Variants in ABCB11 observed in about 807,000 individuals in gnomAD.
ABCB11 encodes the protein ATP binding cassette subfamily B member 11.
ABCB11 carries 95 observed loss-of-function variants against 148.0 expected under a neutral mutation model. The ratio of observed to expected loss-of-function variants is 0.64; its 90% CI spans 0.54 to 0.76. ABCB11 has a LOEUF of 0.76. ABCB11 is among the 30% of genes least tolerant of loss of function. The pLI, the probability that ABCB11 is intolerant of heterozygous loss-of-function variation, is 0.00. For synonymous variants in ABCB11, 591 were observed against 555.4 expected (o/e 1.06, Z -0.90); for missense variants, 1,523 against 1,617.8 (o/e 0.94, Z 1.01).
At chr2:168,975,791 ACATATATAT>A (rs1693873794) in intron 12 of ABCB11, among the ~76,000 whole-genome samples, 1 of 148,420 alleles carries the variant, frequency 6.7e-6, no homozygotes, top group African/African-American at 2.5e-5. Context: ...TATATATATC[ACATATATAT>A]CATATATATC....
intron 21 of ABCB11, 97 bp downstream of exon 21, chr2:168,944,508 C>CCG: frequency 7.5e-7 from 1 of 1,334,212 alleles, no homozygotes. Flanking sequence ...CCCACTGGTC[C>CCG]CTATTCCATA....
In ABCB11 at chr2:168,927,345, G is replaced by C. The variant is rs531704947; in HGVS notation, c.3429C>G (p.Asp1143Glu). 4 of 1,613,692 alleles carry C rather than the reference G, an allele frequency of 2.5e-6. No individual in the cohort carries two copies. In the East Asian group the frequency reaches 6.7e-5, roughly 27 times the overall value. ...DQGKVMIDGHDSKKVNVQFLR... is the reference protein window; with the variant it reads ...DQGKVMIDGHESKKVNVQFLR... ...GGAACTGGACATTTACTTTTTTGCT[G>C]TCATGACCATCTATCATCTGCCAAT... Residue 1143 changes from aspartate (D) to glutamate (E), a missense_variant, in exon 26 of 28, where the codon GAC (aspartate) becomes GAG (glutamate). By Grantham distance (45) the Asp-to-Glu change is conservative. Transcript: ENST00000650372.
At chr2:168,934,000 G>A (rs532394083) in intron 23 of ABCB11, among the ~76,000 whole-genome samples, 1 of 152,110 alleles carries the variant, frequency 6.6e-6, no homozygotes, top group South Asian at 2.1e-4. Flanking sequence ...TGATCCACCC[G>A]CCTCGGCCTG....
chr2:169,006,359 A>G (rs13428002), intron 5 of ABCB11, among the ~76,000 whole-genome samples: 223 of 152,248 alleles, frequency 1.5e-3, no homozygotes, highest in African/African-American at 5.0e-3. Context: ...TGATTAGAAC[A>G]CTCTACAAAC....
intron 17 of ABCB11, among the ~76,000 whole-genome samples, chr2:168,968,044 G>C (rs1200096933): frequency 6.6e-6 from 1 of 151,932 alleles, no homozygotes; most frequent in Non-Finnish European, 1.5e-5. Context: ...AGATTAAAGA[G>C]TGGAGCTAAA....
intron 19 of ABCB11, among the ~76,000 whole-genome samples, chr2:168,955,063 T>C (rs764656085): frequency 1.3e-5 from 2 of 151,666 alleles, no homozygotes; most frequent in Non-Finnish European, 3.0e-5. Context: ...TATGTTGTAT[T>C]TCCTTCAATG....
Position 168,973,743 on chromosome 2 carries a change from T to C in ABCB11, c.1406A>G (p.Gln469Arg), listed in dbSNP as rs760170064. Residue 469 changes from glutamine to arginine, a missense_variant, in exon 13 of 28, where the codon CAG becomes CGG. Coordinates refer to ENST00000650372, the MANE Select transcript of ABCB11 (RefSeq NM_003742.4). ...AGKSTALQLI[Q>R]RFYDPCEGMV... The stretch of plus-strand genomic sequence containing the variant: ...TCCTTCACAGGGGTCATAGAATCGC[T>C]GAATGAGTTGCAGTGCTGTACTTTT... 6.2e-7 allele frequency: 1 copy of C among 1,612,056 alleles called. No individual in the cohort carries two copies. The highest frequency in any genetic ancestry group is 2.2e-5 in the East Asian group (1 of 44,822).
chr2:169,024,528 A>ATGTCTTACATTATTAGTATTAG, intron 1 of ABCB11, among the ~76,000 whole-genome samples: 1 of 152,186 alleles, frequency 6.6e-6, no homozygotes, highest in African/African-American at 2.4e-5. Flanking sequence ...ATTAGTATTA[A>ATGTCTTACATTATTAGTATTAG]TGTCTTACAT....
In ABCB11 at chr2:168,923,457, T is replaced by A; in HGVS notation, c.*165A>T. On this transcript the variant is annotated 3_prime_UTR_variant, in exon 28 of 28. Coordinates refer to ENST00000650372, the MANE Select transcript of ABCB11 (RefSeq NM_003742.4). ...AATTATTATGGAAGGCCATTAGAAA[T>A]TAGCTTGGATTCCGATGTAGGAAAA... 1.5e-6 allele frequency: 1 copy of A among 659,732 alleles called. No homozygotes were observed. Among genetic ancestry groups the A allele is most frequent in the Non-Finnish European group, 2.6e-6 (1 of 382,728 alleles). 40.9% of individuals were successfully genotyped at this position (659,732 alleles called of 1,614,324 possible). A position where few individuals can be genotyped will look rare whatever the true frequency, so the allele number is the denominator to read the frequency against.
At chr2:168,979,292 C>A (rs560800256) in intron 11 of ABCB11, among the ~76,000 whole-genome samples, 2 of 152,024 alleles carry the variant, frequency 1.3e-5, no homozygotes, top group African/African-American at 4.8e-5. Flanking sequence ...ACTTCCCACG[C>A]CCCACCTCCT....
intron 22 of ABCB11, 91 bp from the exon 23 acceptor site, chr2:168,935,516 T>C (rs1049889638): frequency 6.8e-7 from 1 of 1,466,706 alleles, no homozygotes; most frequent in Non-Finnish European, 9.2e-7. Context: ...ATGGTGCAAA[T>C]GGCAGAATGT....
chr2:168,927,320 G>A lies in ABCB11; in HGVS notation c.3454C>T (p.Leu1152Phe), dbSNP rs773929580. The change falls in exon 26 of 28, where the codon CTC (leucine) becomes TTC (phenylalanine). Residue 1152 changes from leucine to phenylalanine, a missense_variant. By Grantham distance (22) the Leu-to-Phe change is conservative. Transcript: ENST00000650372. ...GAAACAATTCCAATGTTTGAGCGGA[G>A]GAACTGGACATTTACTTTTTTGCTG... ...HDSKKVNVQF[L>F]RSNIGIVSQE... is the part of the protein sequence containing the mutation. 5.0e-6 allele frequency: 8 copies of A among 1,613,888 alleles called. No homozygotes were observed. The East Asian group carries it at 1.8e-4, about 36-fold the overall frequency.
intron 23 of ABCB11, among the ~76,000 whole-genome samples, chr2:168,934,432 A>G (rs1022744551): frequency 6.6e-6 from 1 of 152,158 alleles, no homozygotes; most frequent in Non-Finnish European, 1.5e-5. Context: ...CTCGTTCCCC[A>G]GTACCCTGAC....
chr2:168,936,506 T>C (rs1159375794), intron 21 of ABCB11, 73 bp from the exon 22 acceptor site: 14 of 1,392,600 alleles, frequency 1.0e-5, no homozygotes, highest in Middle Eastern at 4.6e-4. Flanking sequence ...CACAAAAAGG[T>C]CAGACCTTTT....
chr2:168,994,458 T>C lies in ABCB11; in HGVS notation c.612-576A>G, dbSNP rs550452881. ...TGAATACAGACTCTTGTTGGGCAAGTTACTTAACCTTTTTGTGGCTCAATT... is the reference window on the plus strand; with the variant it reads ...TGAATACAGACTCTTGTTGGGCAAGCTACTTAACCTTTTTGTGGCTCAATT... On this transcript the variant is annotated intron_variant, in intron 7 of 27. Transcript: ENST00000650372. Among the ~76,000 whole-genome samples the C allele has an allele frequency of 7.2e-5, 11 of 152,228 alleles. No individual in the cohort carries two copies. In the East Asian group the frequency reaches 2.1e-3, roughly 29 times the overall value.
Position 168,993,848 on chromosome 2 carries a change from G to T in ABCB11, c.646C>A (p.Gln216Lys), listed in dbSNP as rs1350485320. The T allele has an allele frequency of 6.2e-7, 1 of 1,610,910 alleles. No homozygotes were observed. The highest frequency in any genetic ancestry group is 1.1e-5 in the South Asian group (1 of 90,648). Residue 216 changes from glutamine to lysine, a missense_variant, in exon 8 of 28, where the codon CAA (glutamine) becomes AAA (lysine). Transcript: ENST00000650372. The stretch of plus-strand genomic sequence containing the variant: ...ATGCGCTGAATGAAAAGGGCCATTT[G>T]GTCAGCTATGGCATCATTGATTTTA... ...INKINDAIAD[Q>K]MALFIQRMTS...
intron 19 of ABCB11, among the ~76,000 whole-genome samples, chr2:168,953,407 T>C (rs1040967773): frequency 9.9e-5 from 15 of 151,770 alleles, no homozygotes; most frequent in African/African-American, 3.1e-4. Context: ...ATATTTAGAA[T>C]TGTTATAACG....
In ABCB11 at chr2:168,995,943, A is replaced by G. The variant is rs72623182; in HGVS notation, c.478-461T>C. ...TAAAACAAAAATTATGACATCAGCA[A>G]AAATCTAATCTGCTGATAGATTTTC... On this transcript the variant is annotated intron_variant, in intron 6 of 27. Transcript: ENST00000650372. 0.014 allele frequency among the ~76,000 whole-genome samples: 2,166 copies of G among 150,918 alleles called. 230 individuals carry two copies. The East Asian group carries it at 0.29, about 20-fold the overall frequency.
At chr2:168,926,855 C>T (rs537912562) in intron 26 of ABCB11, among the ~76,000 whole-genome samples, 2 of 152,176 alleles carry the variant, frequency 1.3e-5, no homozygotes, top group African/African-American at 4.8e-5. Context: ...CAAGTCTAAC[C>T]ACAAAATTCC....
Sources: allele counts gnomAD v4.1 joint callset (sites outside exome capture counted in the v4.1 genomes callset), GRCh38; gene constraint gnomAD v4.1.1; transcripts MANE v1.5; gene names NCBI Gene and HGNC (gene_info 2026-07-23, HGNC 2026-07-21).